The following SERPINA12 variants were observed in gnomAD, a reference collection of about 807,000 sequenced individuals.
SERPINA12 encodes the protein serpin A12.
In SERPINA12, 21 loss-of-function variants were observed where a neutral mutation model predicts 25.9. The ratio of observed to expected loss-of-function variants is 0.81; its 90% CI spans 0.58 to 1.17. SERPINA12 has a LOEUF of 1.17. Ranked by LOEUF, SERPINA12 falls within the 50% of genes most tolerant of loss-of-function variation. SERPINA12 has a pLI of 0.00. For synonymous variants in SERPINA12, 220 were observed against 196.0 expected (o/e 1.12, Z -1.02); for missense variants, 562 against 508.3 (o/e 1.11, Z -1.02).
At chr14:94,506,499 G>A (rs1900936645) in intron 1 of SERPINA12, among the ~76,000 whole-genome samples, 1 of 152,154 alleles carries the variant, frequency 6.6e-6, no homozygotes, top group African/African-American at 2.4e-5. Flanking sequence ...GGGTTTTGAA[G>A]GATAAGTAGG....
At chr14:94,511,965 T>A (rs1233840496), upstream of SERPINA12, among the ~76,000 whole-genome samples, 2 of 152,018 alleles carry the variant, frequency 1.3e-5, no homozygotes, top group Non-Finnish European at 2.9e-5. Context: ...GGGAGTGGTG[T>A]CTCGCACCAG....
chr14:94,489,645 G>C lies in SERPINA12; in HGVS notation c.1028C>G (p.Pro343Arg), dbSNP rs775590377. 3.1e-6 allele frequency: 5 copies of C among 1,614,034 alleles called. No homozygotes were observed. The Admixed American group carries it at 8.3e-5, about 27-fold the overall frequency. Residue 343 changes from proline (P) to arginine (R), a missense_variant, in exon 4 of 5, where the codon CCT becomes CGT. Transcript: ENST00000677451. ...EEHGDLTKIA[P>R]HRSLKVGEAV... Reference sequence around the variant, plus strand: ...CTCGCCCACTTTCAGGCTGCGATGAGGGGCGATCTTGGTGAGATCACCATG... The same window carrying C: ...CTCGCCCACTTTCAGGCTGCGATGACGGGCGATCTTGGTGAGATCACCATG...
upstream of SERPINA12, among the ~76,000 whole-genome samples, chr14:94,513,148 G>A (rs891807277): frequency 6.6e-6 from 1 of 152,178 alleles, no homozygotes; most frequent in East Asian, 1.9e-4. Context: ...CAGGATAAGC[G>A]AAAGCAGGCT....
intron 3 of SERPINA12, among the ~76,000 whole-genome samples, chr14:94,493,873 G>A (rs1900283272): frequency 6.6e-6 from 1 of 152,222 alleles, no homozygotes; most frequent in Non-Finnish European, 1.5e-5. Flanking sequence ...GATGGTGGCA[G>A]TGCCCAGGGA....
At chr14:94,499,251 C>T (rs937192356) in intron 1 of SERPINA12, among the ~76,000 whole-genome samples, 1 of 152,184 alleles carries the variant, frequency 6.6e-6, no homozygotes, top group African/African-American at 2.4e-5. Context: ...CTACACCCTT[C>T]CCAGGGAGGG....
exon 1 of SERPINA12, chr14:94,517,750 C>A (rs1008589311): frequency 6.6e-6 from 1 of 152,260 alleles, no homozygotes; most frequent in Non-Finnish European, 1.5e-5. Context: ...GTTTCTTGTG[C>A]TGCTGTTTTG....
chr14:94,512,312 G>A (rs1901132648), upstream of SERPINA12, among the ~76,000 whole-genome samples: 1 of 152,184 alleles, frequency 6.6e-6, no homozygotes, highest in Non-Finnish European at 1.5e-5. Flanking sequence ...ACCTCACCCA[G>A]GTCACCTCAC....
rs752683930 is a variant in SERPINA12, at chr14:94,487,333, C to A, written c.1215G>T (p.Leu405=). Residue 405 remains leucine (L), a synonymous_variant, in exon 5 of 5, where the codon CTG becomes CTT. Transcript: ENST00000677451. ...TTCCAATAGGGTTAACAATCTTTCC[C>A]AGGAAGAGCACGGAAGGTATTTTCT... ...YSEKIPSVLF[L]GKIVNPIGK is the part of the protein sequence containing the mutation. 3 of 1,613,782 alleles carry A rather than the reference C, an allele frequency of 1.9e-6. No homozygotes were observed. In the African/African-American group the frequency reaches 4.0e-5, roughly 22 times the overall value.
At chr14:94,495,208 A>G (rs1181190889) in intron 3 of SERPINA12, among the ~76,000 whole-genome samples, 1 of 149,612 alleles carries the variant, frequency 6.7e-6, no homozygotes, top group Non-Finnish European at 1.5e-5. Flanking sequence ...AGCTGGGACT[A>G]CAGGCGCCCG....
At position 94,497,951 on chromosome 14, in the gene SERPINA12, C is replaced by T; in HGVS notation, c.447G>A (p.Lys149=). The T allele has an allele frequency of 3.1e-6, 5 of 1,614,194 alleles. No individual in the cohort carries two copies. The highest frequency in any genetic ancestry group is 4.2e-6 in the Non-Finnish European group (5 of 1,180,036). Residue 149 remains lysine (K), a synonymous_variant, in exon 2 of 5, where the codon AAG becomes AAA. Coordinates refer to ENST00000677451, the MANE Select transcript of SERPINA12 (RefSeq NM_001382267.1). ...AAAAGTTCTTGGCATCTTCCAAAAACTTACGCTGTGGCTGCAGCCTCTGGT... is the reference window on the plus strand; with the variant it reads ...AAAAGTTCTTGGCATCTTCCAAAAATTTACGCTGTGGCTGCAGCCTCTGGT... ...FIDQRLQPQR[K]FLEDAKNFYS...
intron 3 of SERPINA12, among the ~76,000 whole-genome samples, chr14:94,494,418 T>C (rs1900308303): frequency 6.6e-6 from 1 of 152,214 alleles, no homozygotes; most frequent in Non-Finnish European, 1.5e-5. Context: ...GCATCTCTGA[T>C]ATCTAGAGTG....
upstream of SERPINA12, among the ~76,000 whole-genome samples, chr14:94,511,105 A>G (rs148649442): frequency 4.3e-3 from 650 of 152,306 alleles, 4 homozygotes; most frequent in African/African-American, 0.014. Context: ...TAAAAAGAGC[A>G]TTTCAGAAAA....
At chr14:94,511,426 A>C (rs957184312), upstream of SERPINA12, 3 of 985,324 alleles carry the variant, frequency 3.0e-6, no homozygotes, top group African/African-American at 5.2e-5. Context: ...AGCAGAAAAA[A>C]AATATGTGGA....
At position 94,493,911 on chromosome 14, in the gene SERPINA12, T is replaced by C. The variant is rs376371492; in HGVS notation, c.905+2462A>G. 5.3e-5 allele frequency among the ~76,000 whole-genome samples: 8 copies of C among 152,284 alleles called. No homozygotes were observed. The East Asian group carries it at 9.7e-4, about 18-fold the overall frequency. ...ATCTGTGTGGTTGGTGGTGGCCTGA[T>C]GGTGGTCACAGCACCAGGGGCTGCA... On this transcript the variant is annotated intron_variant, in intron 3 of 4. Transcript: ENST00000677451.
intron 1 of SERPINA12, among the ~76,000 whole-genome samples, chr14:94,500,194 G>A (rs1047673548): frequency 5.3e-5 from 8 of 152,150 alleles, no homozygotes; most frequent in African/African-American, 1.9e-4. Flanking sequence ...AGGTCTTCAA[G>A]GAGTTTGTAG....
upstream of SERPINA12, among the ~76,000 whole-genome samples, chr14:94,514,453 C>T (rs1230832729): frequency 1.3e-5 from 2 of 152,220 alleles, no homozygotes; most frequent in African/African-American, 2.4e-5. Flanking sequence ...GGCTGTGACT[C>T]ACCTAGTTAT....
At chr14:94,505,341 GAT>G (rs1305572362) in intron 1 of SERPINA12, among the ~76,000 whole-genome samples, 2 of 152,206 alleles carry the variant, frequency 1.3e-5, no homozygotes, top group African/African-American at 4.8e-5. Flanking sequence ...AGGACATGGG[GAT>G]ATGGGTTCCA....
chr14:94,500,955 C>T (rs1239525684), intron 1 of SERPINA12: 3 of 982,870 alleles, frequency 3.1e-6, no homozygotes, highest in Admixed American at 6.2e-5. Flanking sequence ...AGCTGTGTGA[C>T]ATTCCAGAAA....
At chr14:94,508,427 C>T (rs189892034) in intron 1 of SERPINA12, among the ~76,000 whole-genome samples, 84 of 151,864 alleles carry the variant, frequency 5.5e-4, no homozygotes, top group African/African-American at 2.0e-3. Context: ...GGGAAGCATT[C>T]TGTAAATAGT....
Sources: allele counts gnomAD v4.1 joint callset (sites outside exome capture counted in the v4.1 genomes callset), GRCh38; gene constraint gnomAD v4.1.1; transcripts MANE v1.5; gene names NCBI Gene and HGNC (gene_info 2026-07-23, HGNC 2026-07-21).